The following DIMT1 variants were observed in gnomAD, a reference collection of about 807,000 sequenced individuals.
DIMT1 encodes dimethyladenosine transferase.
Under a neutral mutation model 43.2 loss-of-function variants are expected in DIMT1, and 36 were observed. That is an observed-to-expected ratio of 0.83 (90% CI 0.64 to 1.10). DIMT1 has a LOEUF of 1.10. Ranked by LOEUF, DIMT1 falls within the 50% of genes least tolerant of loss-of-function variation. The probability of loss-of-function intolerance (pLI) is 0.00; values close to 1 mark genes in which losing one functional copy is unlikely to be tolerated. For synonymous variants in DIMT1, 126 were observed against 130.3 expected, an observed-to-expected ratio of 0.97 and a Z score of 0.22; for missense variants, 341 against 385.3, an observed-to-expected ratio of 0.88 and a Z score of 0.96.
intron 1 of DIMT1, 100 bp downstream of exon 1, chr5:62,403,594 T>G: frequency 7.1e-7 from 1 of 1,412,954 alleles, no homozygotes; most frequent in Non-Finnish European, 9.7e-7. Context: ...GAGCGCGTCC[T>G]GACCGGCCTC....
intron 6 of DIMT1, among the ~76,000 whole-genome samples, chr5:62,397,781 TG>T (rs1742550249): frequency 4.6e-5 from 7 of 152,064 alleles, no homozygotes; most frequent in Middle Eastern, 6.8e-3. Context: ...CCCGAGTGGC[TG>T]GGACTACAGG....
intron 6 of DIMT1, among the ~76,000 whole-genome samples, chr5:62,397,750 G>T (rs908269995): frequency 3.3e-5 from 5 of 151,830 alleles, no homozygotes; most frequent in African/African-American, 1.2e-4. Context: ...CCGGGTTCAC[G>T]CCATTCTCCT....
intron 3 of DIMT1, 92 bp from the exon 4 acceptor site, chr5:62,398,973 G>A: frequency 2.0e-6 from 2 of 1,001,118 alleles, no homozygotes; most frequent in Non-Finnish European, 3.0e-6. Context: ...TGATTTATGT[G>A]ACAAACTTCT....
In DIMT1 at chr5:62,391,034, C is replaced by A. The variant is rs562311773; in HGVS notation, c.793-52G>T. 11 of 1,471,688 alleles carry A rather than the reference C, an allele frequency of 7.5e-6. No individual in the cohort carries two copies. The African/African-American group carries it at 8.3e-5, about 11-fold the overall frequency. The allele number at this position is 1,471,688 out of a possible 1,614,324, so 91.2% of individuals were successfully genotyped here. A position where few individuals can be genotyped will look rare whatever the true frequency, so the allele number is the denominator to read the frequency against. On this transcript the variant is annotated intron_variant, in intron 10 of 11. Coordinates refer to ENST00000199320, the MANE Select transcript of DIMT1 (RefSeq NM_014473.4). ...GAACGACATATCTTTAATGAGGTCA[C>A]CTTGACTCTTTTTTTTAGTTCAGTA...
rs1187867612 is a variant in DIMT1 at position 62,398,556 on chromosome 5, G to A, written c.401C>T (p.Ser134Phe). The A allele has an allele frequency of 1.2e-6, 2 of 1,612,454 alleles. No homozygotes were observed. Among genetic ancestry groups the A allele is most frequent in the Non-Finnish European group, 1.7e-6 (2 of 1,178,664 alleles). The change falls in exon 6 of 12, where the codon TCT becomes TTT. Residue 134 changes from serine (S) to phenylalanine (F), a missense_variant. Coordinates refer to ENST00000199320, the MANE Select transcript of DIMT1 (RefSeq NM_014473.4). ...CAACAGCTTGAAGACAAAAGGTGAAGAGATCTGTAAGAGAATTAACTAGTT... is the reference window on the plus strand; with the variant it reads ...CAACAGCTTGAAGACAAAAGGTGAAAAGATCTGTAAGAGAATTAACTAGTT... ...TCVANLPYQI[S>F]SPFVFKLLLH...
At chr5:62,395,026 CT>C (rs35544397) in intron 6 of DIMT1, among the ~76,000 whole-genome samples, 12,030 of 143,606 alleles carry the variant, frequency 0.084, 678 homozygotes, top group East Asian at 0.26. Context: ...AAGATGTAGA[CT>C]TTTTTTTTTT....
rs1474238537 is a variant in DIMT1 at position 62,388,959 on chromosome 5, T to C, written c.*51A>G. 1.3e-6 allele frequency: 2 copies of C among 1,537,854 alleles called. No individual in the cohort carries two copies. The highest frequency in any genetic ancestry group is 1.8e-6 in the Non-Finnish European group (2 of 1,120,744). Reference sequence around the variant, plus strand: ...GCATTATCTTCTCAAATACAAAAAATACAAAATTCATTTCTTTTCTTGACC... The same window carrying C: ...GCATTATCTTCTCAAATACAAAAAACACAAAATTCATTTCTTTTCTTGACC... On this transcript the variant is annotated 3_prime_UTR_variant, in exon 12 of 12. Coordinates refer to ENST00000199320, the MANE Select transcript of DIMT1 (RefSeq NM_014473.4).
chr5:62,394,526 TGA>T lies in DIMT1; in HGVS notation c.526_527del (p.Ser176AsnfsTer2). On this transcript the variant is annotated frameshift_variant, in exon 7 of 12. Transcript: ENST00000199320. LOFTEE classifies it high-confidence loss of function. ...CACGTGCCAACAGCTGTGTATTAAT[TGA>T]GAGTCTGCAGTATAACTTATCTCCA... Reference protein sequence around the residue: ...KPGDKLYCRLSINTQLLARVD... With the variant: ...KPGDKLYCRLXINTQLLARVD... 1 of 1,614,194 alleles carries T rather than the reference TGA, an allele frequency of 6.2e-7. No individual in the cohort carries two copies. The highest frequency in any genetic ancestry group is 1.3e-5 in the African/African-American group (1 of 75,046).
At chr5:62,403,584 G>C in intron 1 of DIMT1, 110 bp downstream of exon 1, 1 of 1,336,600 alleles carries the variant, frequency 7.5e-7, no homozygotes, top group Non-Finnish European at 1.0e-6. Context: ...GCGCTCACGG[G>C]AGCGCGTCCT....
chr5:62,403,892 G>C lies in DIMT1; in HGVS notation c.-120C>G, dbSNP rs1742809975. ...CCGCCCGCACCACTCTGGCCCAAGC[G>C]CCGGAGGGGCAAGGGTCCGCCCCCT... On this transcript the variant is annotated 5_prime_UTR_variant, in exon 1 of 12. Coordinates refer to ENST00000199320, the MANE Select transcript of DIMT1 (RefSeq NM_014473.4). The C allele has an allele frequency of 4.6e-6, 5 of 1,078,452 alleles. No homozygotes were observed. Among genetic ancestry groups the C allele is most frequent in the Non-Finnish European group, 4.0e-6 (3 of 756,626 alleles). 66.8% of individuals were successfully genotyped at this position (1,078,452 alleles called of 1,614,324 possible). A position where few individuals can be genotyped will look rare whatever the true frequency, so the allele number is the denominator to read the frequency against.
intron 6 of DIMT1, 136 bp from the exon 7 acceptor site, chr5:62,394,743 CTTT>C: frequency 2.4e-6 from 3 of 1,230,716 alleles, no homozygotes; most frequent in Non-Finnish European, 3.3e-6. Context: ...CACATTCAGC[CTTT>C]TTTTTATTGC....
chr5:62,397,908 A>C (rs1742555212), intron 6 of DIMT1, among the ~76,000 whole-genome samples: 1 of 152,194 alleles, frequency 6.6e-6, no homozygotes, highest in Non-Finnish European at 1.5e-5. Context: ...TTGGCCTCCC[A>C]AAGTGCTGGG....
At chr5:62,401,103 G>A (rs749646805) in intron 3 of DIMT1, among the ~76,000 whole-genome samples, 6 of 152,198 alleles carry the variant, frequency 3.9e-5, no homozygotes, top group Non-Finnish European at 7.3e-5. Flanking sequence ...ATGCAGTTCA[G>A]CTCCCTTACC....
At chr5:62,393,889 T>C (rs2272291) in intron 8 of DIMT1, 66 bp downstream of exon 8, 105,146 of 1,405,562 alleles carry the variant, frequency 0.075, 4,334 homozygotes, top group East Asian at 0.12. Context: ...TCTGCTGTTA[T>C]AGGCACACAT....
chr5:62,396,501 G>C (rs1742502203), intron 6 of DIMT1, among the ~76,000 whole-genome samples: 1 of 152,040 alleles, frequency 6.6e-6, no homozygotes, highest in Admixed American at 6.6e-5. Flanking sequence ...GAGCAAGACT[G>C]TCTCATAAAA....
rs1742807927 is a variant in DIMT1 at position 62,403,868 on chromosome 5, C to A, written c.-96G>T. ...CCACGTGGGGATCGCCGCCACGCGC[C>A]GCCCGCACCACTCTGGCCCAAGCGC... On this transcript the variant is annotated 5_prime_UTR_variant, in exon 1 of 12. Coordinates refer to ENST00000199320, the MANE Select transcript of DIMT1 (RefSeq NM_014473.4). The A allele has an allele frequency of 1.5e-6, 2 of 1,326,336 alleles. No homozygotes were observed. The highest frequency in any genetic ancestry group is 2.1e-6 in the Non-Finnish European group (2 of 960,758). 82.2% of individuals were successfully genotyped at this position (1,326,336 alleles called of 1,614,324 possible).
chr5:62,399,571 G>A (rs1046795381), intron 3 of DIMT1, among the ~76,000 whole-genome samples: 4 of 151,824 alleles, frequency 2.6e-5, no homozygotes, highest in Non-Finnish European at 5.9e-5. Flanking sequence ...TTGAACCCTG[G>A]AGGCGGAGGT....
Position 62,398,861 on chromosome 5 carries a change from G to T in DIMT1, c.261C>A (p.Asp87Glu), listed in dbSNP as rs1476262959. The T allele has an allele frequency of 6.2e-7, 1 of 1,613,102 alleles. No individual in the cohort carries two copies. Among genetic ancestry groups the T allele is most frequent in the East Asian group, 2.2e-5 (1 of 44,864 alleles). ...KAKKVVACEL[D>E]PRLVAELHKR... ...TGTGAAGTTCAGCTACTAGCCTTGG[G>T]TCAAGTTCACAAGCAACAACCTAAT... The change falls in exon 4 of 12, where the codon GAC (aspartate) becomes GAA (glutamate). Residue 87 changes from aspartate (D) to glutamate (E), a missense_variant. Asp to Glu is a conservative substitution (Grantham distance 45). Transcript: ENST00000199320.
intron 6 of DIMT1, among the ~76,000 whole-genome samples, chr5:62,397,329 T>C (rs1742533697): frequency 6.6e-6 from 1 of 152,210 alleles, no homozygotes; most frequent in Admixed American, 6.5e-5. Context: ...ACAATGTTTT[T>C]TGTTTTGTTT....
Sources: allele counts gnomAD v4.1 joint callset (sites outside exome capture counted in the v4.1 genomes callset), GRCh38; gene constraint gnomAD v4.1.1; transcripts MANE v1.5; gene names NCBI Gene and HGNC (gene_info 2026-07-23, HGNC 2026-07-21).